PLD5: variants seen among roughly 807,000 people sequenced by gnomAD.
The protein encoded by PLD5 is phospholipase D family member 5, also known as inactive phospholipase D5.
A neutral mutation model predicts 61.1 loss-of-function variants in PLD5; 36 were observed. That is an observed-to-expected ratio of 0.59 (90% CI 0.45 to 0.78). The LOEUF (loss-of-function observed/expected upper bound fraction) is 0.78, where lower values mean the gene tolerates loss of function less well. PLD5 is among the 30% of genes least tolerant of loss of function. The pLI, the probability that PLD5 is intolerant of heterozygous loss-of-function variation, is 0.00. For missense variants in PLD5, 515 were observed against 644.4 expected, an observed-to-expected ratio of 0.80 and a Z score of 2.17; for synonymous variants, 243 against 242.8, an observed-to-expected ratio of 1.00 and a Z score of -0.01.
intron 4 of PLD5, among the ~76,000 whole-genome samples, chr1:242,249,552 A>G (rs1272302194): frequency 1.3e-5 from 2 of 152,216 alleles, no homozygotes; most frequent in African/African-American, 2.4e-5. Flanking sequence ...GTGAAACATT[A>G]ATACCCTTGA....
chr1:242,181,375 A>G (rs1376299042), intron 5 of PLD5, among the ~76,000 whole-genome samples: 2 of 152,232 alleles, frequency 1.3e-5, no homozygotes, highest in Non-Finnish European at 2.9e-5. Flanking sequence ...TTATATGTGT[A>G]AAATATACAC....
At chr1:242,411,184 T>C (rs925931275) in intron 1 of PLD5, among the ~76,000 whole-genome samples, 1 of 152,168 alleles carries the variant, frequency 6.6e-6, no homozygotes, top group Non-Finnish European at 1.5e-5. Flanking sequence ...GAGCTCACTC[T>C]CTCTCTACAA....
At chr1:242,318,865 G>A (rs1435096308) in intron 2 of PLD5, among the ~76,000 whole-genome samples, 1 of 152,112 alleles carries the variant, frequency 6.6e-6, no homozygotes, top group Non-Finnish European at 1.5e-5. Context: ...GGAAGAAAGG[G>A]ATGGAGAAAA....
At chr1:242,258,289 A>G (rs1188684691) in intron 4 of PLD5, among the ~76,000 whole-genome samples, 1 of 152,148 alleles carries the variant, frequency 6.6e-6, no homozygotes, top group Non-Finnish European at 1.5e-5. Flanking sequence ...AATTCTCCGA[A>G]TTTCCATCCA....
chr1:242,187,492 A>G (rs1023872231), intron 5 of PLD5, among the ~76,000 whole-genome samples: 1 of 152,220 alleles, frequency 6.6e-6, no homozygotes, highest in African/African-American at 2.4e-5. Context: ...TATATGCACT[A>G]TGAATATGCA....
At chr1:242,157,081 T>A (rs574686877) in intron 5 of PLD5, among the ~76,000 whole-genome samples, 1 of 152,172 alleles carries the variant, frequency 6.6e-6, no homozygotes, top group African/African-American at 2.4e-5. Flanking sequence ...TAATATTGTC[T>A]TCTAGCTTTA....
intron 2 of PLD5, among the ~76,000 whole-genome samples, chr1:242,327,076 AGGAT>A (rs200884058): frequency 0.9 from 135,801 of 151,654 alleles, 60,876 homozygotes; most frequent in East Asian, 0.95. Flanking sequence ...CGTGTTAGCC[AGGAT>A]GGTCTCGATC....
At chr1:242,244,098 C>G (rs141890460) in intron 4 of PLD5, among the ~76,000 whole-genome samples, 3 of 152,092 alleles carry the variant, frequency 2.0e-5, no homozygotes, top group Admixed American at 2.0e-4. Context: ...CATATATGCA[C>G]GTATTACCTG....
chr1:242,233,546 AGAG>A (rs1322705774), intron 4 of PLD5, among the ~76,000 whole-genome samples: 1 of 146,746 alleles, frequency 6.8e-6, no homozygotes, highest in Non-Finnish European at 1.5e-5. Context: ...AGAGAGAGAG[AGAG>A]GAGTTGGAGG....
In PLD5 at chr1:242,101,124, G is replaced by T. The variant is rs1660652833; in HGVS notation, c.1240-342C>A. ...TGCCAGCTTTGAAGCATGCCTCAGG[G>T]TGCTTTCTGCCAAGCATGGCAATGA... On this transcript the variant is annotated intron_variant, in intron 8 of 9. Transcript: ENST00000536534. Among the ~76,000 whole-genome samples, 6 of 152,104 alleles carry T rather than the reference G, an allele frequency of 3.9e-5. No individual in the cohort carries two copies. In the South Asian group the frequency reaches 1.0e-3, roughly 26 times the overall value.
chr1:242,339,471 A>G (rs375880285), intron 2 of PLD5, among the ~76,000 whole-genome samples: 3 of 152,202 alleles, frequency 2.0e-5, no homozygotes, highest in African/African-American at 7.2e-5. Flanking sequence ...AATGCAGATG[A>G]CCTTTGAAGG....
At chr1:242,458,689 AG>A (rs1478407679) in intron 1 of PLD5, among the ~76,000 whole-genome samples, 2 of 152,254 alleles carry the variant, frequency 1.3e-5, no homozygotes, top group African/African-American at 4.8e-5. Flanking sequence ...TGTTATTAGT[AG>A]GAAAGATGCA....
At chr1:242,138,294 G>C (rs757945700) in intron 5 of PLD5, among the ~76,000 whole-genome samples, 1 of 152,134 alleles carries the variant, frequency 6.6e-6, no homozygotes, top group African/African-American at 2.4e-5. Context: ...GGGGATGCAA[G>C]AGTGATGGCA....
intron 2 of PLD5, among the ~76,000 whole-genome samples, chr1:242,314,365 A>G (rs1676881732): frequency 6.6e-6 from 1 of 152,180 alleles, no homozygotes; most frequent in Non-Finnish European, 1.5e-5. Flanking sequence ...AGCTGCTTGA[A>G]ACCTCAGTGA....
intron 5 of PLD5, among the ~76,000 whole-genome samples, chr1:242,136,646 G>A (rs1322992740): frequency 6.6e-6 from 1 of 152,186 alleles, no homozygotes; most frequent in Non-Finnish European, 1.5e-5. Flanking sequence ...TACCAGGTGT[G>A]TGTTTCTGTA....
intron 5 of PLD5, among the ~76,000 whole-genome samples, chr1:242,215,040 C>T (rs546139690): frequency 1.9e-3 from 180 of 92,388 alleles, no homozygotes; most frequent in South Asian, 0.015. Flanking sequence ...CCGTGCCTGG[C>T]CAATTTTTTT....
intron 1 of PLD5, among the ~76,000 whole-genome samples, chr1:242,435,171 T>C (rs1665929327): frequency 6.6e-6 from 1 of 152,128 alleles, no homozygotes; most frequent in Non-Finnish European, 1.5e-5. Flanking sequence ...GGATTTCCTA[T>C]TTGCGAATTC....
At chr1:242,142,118 G>A (rs186023856) in intron 5 of PLD5, among the ~76,000 whole-genome samples, 6 of 152,274 alleles carry the variant, frequency 3.9e-5, no homozygotes, top group African/African-American at 1.4e-4. Flanking sequence ...GGGAGAGAGA[G>A]GAACAGCAGA....
chr1:242,132,206 GGC>G (rs5782216), intron 5 of PLD5, among the ~76,000 whole-genome samples: 5 of 87,076 alleles, frequency 5.7e-5, no homozygotes, highest in Non-Finnish European at 9.2e-5. Flanking sequence ...GGGGGGGGGG[GGC>G]GGAATCATTT....
Sources: allele counts gnomAD v4.1 joint callset (sites outside exome capture counted in the v4.1 genomes callset), GRCh38; gene constraint gnomAD v4.1.1; transcripts MANE v1.5; gene names NCBI Gene and HGNC (gene_info 2026-07-23, HGNC 2026-07-21).